CRY1: variants seen among roughly 807,000 people sequenced by gnomAD.
The protein encoded by CRY1 is cryptochrome circadian regulator 1, also known as cryptochrome-1.
CRY1 carries 45 observed loss-of-function variants against 76.0 expected under a neutral mutation model. The observed-to-expected ratio is 0.59, with a 90% CI of 0.47 to 0.76. The LOEUF is 0.76. CRY1 is among the 30% of genes least tolerant of loss of function. The probability of loss-of-function intolerance (pLI) is 0.00; values close to 1 mark genes in which losing one functional copy is unlikely to be tolerated. For synonymous variants in CRY1, 248 were observed against 244.0 expected (o/e 1.02, Z -0.15); for missense variants, 587 against 716.4 (o/e 0.82, Z 2.06).
intron 1 of CRY1, among the ~76,000 whole-genome samples, chr12:107,046,191 G>A (rs1397327190): frequency 6.6e-6 from 1 of 151,720 alleles, no homozygotes; most frequent in Non-Finnish European, 1.5e-5. Context: ...TACTCGGGAG[G>A]CTGAGGCACA....
At chr12:107,065,351 G>A (rs1439239304) in intron 1 of CRY1, among the ~76,000 whole-genome samples, 1 of 152,068 alleles carries the variant, frequency 6.6e-6, no homozygotes, top group Non-Finnish European at 1.5e-5. Context: ...CCAGCACTTT[G>A]GGAAGCCAAG....
Position 107,043,483 on chromosome 12 carries a change from C to T in CRY1, c.159-21291G>A, listed in dbSNP as rs142269171. On this transcript the variant is annotated intron_variant, in intron 1 of 12. Coordinates refer to ENST00000008527, the MANE Select transcript of CRY1 (RefSeq NM_004075.5). ...TGAGCTGAAGCAGCATTATCACCCT[C>T]TGGGAATAGGTGCCTTGGCTGAGCC... 7.4e-3 allele frequency among the ~76,000 whole-genome samples: 1,122 copies of T among 152,294 alleles called. 10 individuals are homozygous for T. Among genetic ancestry groups the T allele is most frequent in the Non-Finnish European group, 8.4e-3 (573 of 68,022 alleles).
At chr12:107,008,629 T>A (rs1566245045) in intron 2 of CRY1, among the ~76,000 whole-genome samples, 1 of 152,218 alleles carries the variant, frequency 6.6e-6, no homozygotes, top group Admixed American at 6.5e-5. Flanking sequence ...AGTAAGATTT[T>A]ATGTTTTTTT....
At chr12:107,001,694 A>T in intron 4 of CRY1, 70 bp downstream of exon 4, 8 of 1,350,542 alleles carry the variant, frequency 5.9e-6, no homozygotes, top group Non-Finnish European at 7.9e-6. Flanking sequence ...CAAAATTAAA[A>T]GGGGAATTTT....
intron 1 of CRY1, among the ~76,000 whole-genome samples, chr12:107,064,391 T>C (rs1460626203): frequency 6.6e-6 from 1 of 152,182 alleles, no homozygotes; most frequent in Admixed American, 6.5e-5. Context: ...AAAACCACAA[T>C]GAGATGCCGC....
chr12:107,015,766 C>A (rs1952491930), intron 2 of CRY1, among the ~76,000 whole-genome samples: 1 of 152,108 alleles, frequency 6.6e-6, no homozygotes, highest in African/African-American at 2.4e-5. Flanking sequence ...TCACTGCAGC[C>A]TCCAACTTTC....
chr12:107,068,779 A>C (rs1192466855), intron 1 of CRY1, among the ~76,000 whole-genome samples: 1 of 152,072 alleles, frequency 6.6e-6, no homozygotes, highest in Non-Finnish European at 1.5e-5. Context: ...GCTACCACTA[A>C]TTTGCTTTCT....
At chr12:107,013,384 T>C (rs1593502396) in intron 2 of CRY1, among the ~76,000 whole-genome samples, 1 of 152,232 alleles carries the variant, frequency 6.6e-6, no homozygotes, top group African/African-American at 2.4e-5. Context: ...AAAATATCTT[T>C]AATTAAGGTG....
chr12:107,017,605 A>C (rs924185297), intron 2 of CRY1, among the ~76,000 whole-genome samples: 1 of 152,168 alleles, frequency 6.6e-6, no homozygotes, highest in African/African-American at 2.4e-5. Context: ...TACATGATAG[A>C]AGGAGCATCC....
chr12:107,030,739 G>A (rs572191929), intron 1 of CRY1, among the ~76,000 whole-genome samples: 1 of 140,560 alleles, frequency 7.1e-6, no homozygotes, highest in South Asian at 2.6e-4. Context: ...TATGAAAAGT[G>A]TATTATGGTA....
At chr12:107,040,261 ACTTT>A (rs1330593988) in intron 1 of CRY1, among the ~76,000 whole-genome samples, 1 of 145,286 alleles carries the variant, frequency 6.9e-6, no homozygotes, top group Non-Finnish European at 1.5e-5. Context: ...AGAGATGAAT[ACTTT>A]CTTTCCTTTT....
At position 107,044,103 on chromosome 12, in the gene CRY1, C is replaced by G. The variant is rs936581165; in HGVS notation, c.159-21911G>C. Among the ~76,000 whole-genome samples, 21 of 152,146 alleles carry G rather than the reference C, an allele frequency of 1.4e-4. 1 individual carries two copies. Among genetic ancestry groups the G allele is most frequent in the African/African-American group, 5.1e-4 (21 of 41,438 alleles). ...TCCAACCCTGCCACAGAAAGCGAAC[C>G]TGTACTCCAAGACCCAGTTGCCAAA... is the stretch of plus-strand genomic sequence containing the variant. On this transcript the variant is annotated intron_variant, in intron 1 of 12. Coordinates refer to ENST00000008527, the MANE Select transcript of CRY1 (RefSeq NM_004075.5).
intron 1 of CRY1, among the ~76,000 whole-genome samples, chr12:107,078,952 A>G (rs1413968257): frequency 1.3e-5 from 2 of 152,058 alleles, no homozygotes; most frequent in Non-Finnish European, 2.9e-5. Context: ...TTAAGCCTGT[A>G]TTATCTTTCA....
At chr12:107,031,042 A>G (rs1952668523) in intron 1 of CRY1, among the ~76,000 whole-genome samples, 1 of 152,164 alleles carries the variant, frequency 6.6e-6, no homozygotes, top group Admixed American at 6.5e-5. Context: ...GTCAAAACAA[A>G]CCTGTTATCA....
intron 1 of CRY1, among the ~76,000 whole-genome samples, chr12:107,029,893 G>A (rs1382624336): frequency 1.3e-5 from 2 of 152,242 alleles, no homozygotes; most frequent in East Asian, 3.9e-4. Context: ...AAAATCAGGT[G>A]GGAGAAATCA....
At chr12:106,992,721 AAT>A in intron 12 of CRY1, 64 bp downstream of exon 12, 1 of 1,318,018 alleles carries the variant, frequency 7.6e-7, no homozygotes, top group Non-Finnish European at 1.1e-6. Context: ...CCATTTTTGA[AAT>A]TATCTTAATT....
chr12:107,018,659 G>C (rs938709036), intron 2 of CRY1, among the ~76,000 whole-genome samples: 1 of 151,866 alleles, frequency 6.6e-6, no homozygotes, highest in Admixed American at 6.6e-5. Context: ...AAAAAATCTA[G>C]ATATTAATTA....
intron 2 of CRY1, among the ~76,000 whole-genome samples, chr12:107,012,713 G>A (rs1952458661): frequency 1.3e-5 from 2 of 152,170 alleles, no homozygotes; most frequent in African/African-American, 4.8e-5. Flanking sequence ...TCTTTGGAAA[G>A]GATTCACCAT....
intron 1 of CRY1, among the ~76,000 whole-genome samples, chr12:107,026,326 G>A (rs1029434028): frequency 6.6e-6 from 1 of 150,900 alleles, no homozygotes; most frequent in African/African-American, 2.4e-5. Context: ...CCACCTCCCA[G>A]GTTCAGGCAA....
Sources: gnomAD v4.1 joint callset for allele counts (sites outside exome capture counted in the v4.1 genomes callset) on GRCh38, gnomAD v4.1.1 for gene constraint, MANE v1.5 for transcripts, NCBI Gene and HGNC (gene_info 2026-07-23, HGNC 2026-07-21) for gene names.